The following F13A1 variants were observed in gnomAD, a reference collection of about 807,000 sequenced individuals.
F13A1 encodes the protein FSF, A subunit.
Under a neutral mutation model 80.1 loss-of-function variants are expected in F13A1, and 47 were observed. The ratio of observed to expected loss-of-function variants is 0.59; its 90% CI spans 0.46 to 0.75. The LOEUF (loss-of-function observed/expected upper bound fraction) is 0.75. Ranked by LOEUF, F13A1 falls within the 30% of genes least tolerant of loss-of-function variation. The pLI, the probability that F13A1 is intolerant of heterozygous loss-of-function variation, is 0.00. For synonymous variants in F13A1, 349 were observed against 344.9 expected (o/e 1.01, Z -0.13); for missense variants, 817 against 930.4 (o/e 0.88, Z 1.59).
At chr6:6,190,191 A>G (rs1205566058) in intron 10 of F13A1, among the ~76,000 whole-genome samples, 1 of 151,992 alleles carries the variant, frequency 6.6e-6, no homozygotes, top group Non-Finnish European at 1.5e-5. Context: ...AGCTCAGAGT[A>G]ATTTGATCGT....
intron 10 of F13A1, among the ~76,000 whole-genome samples, chr6:6,191,881 GA>G (rs966024218): frequency 1.3e-5 from 2 of 152,252 alleles, no homozygotes; most frequent in African/African-American, 4.8e-5. Context: ...CTAGAAGGGA[GA>G]AATGGAGTAC....
intron 9 of F13A1, among the ~76,000 whole-genome samples, chr6:6,196,262 T>A (rs1336154856): frequency 6.6e-6 from 1 of 152,244 alleles, no homozygotes; most frequent in Non-Finnish European, 1.5e-5. Context: ...TTTGTTTTGC[T>A]TTTTGTCTTT....
intron 10 of F13A1, among the ~76,000 whole-genome samples, chr6:6,195,380 G>A (rs1412832598): frequency 1.3e-5 from 2 of 152,218 alleles, no homozygotes; most frequent in African/African-American, 2.4e-5. Flanking sequence ...GGTTGGGTGT[G>A]TGTATGTGGA....
chr6:6,282,071 T>A (rs1583109311), intron 3 of F13A1, among the ~76,000 whole-genome samples: 1 of 143,320 alleles, frequency 7.0e-6, no homozygotes, highest in Non-Finnish European at 1.5e-5. Context: ...GACAGAGAGG[T>A]GAAAAGAATG....
intron 2 of F13A1, among the ~76,000 whole-genome samples, chr6:6,313,881 C>T (rs543234777): frequency 6.6e-6 from 1 of 152,246 alleles, no homozygotes; most frequent in African/African-American, 2.4e-5. Flanking sequence ...GAGAAATGAG[C>T]CCCATACCTC....
chr6:6,316,338 T>C (rs1237839716), intron 2 of F13A1, among the ~76,000 whole-genome samples: 4 of 151,580 alleles, frequency 2.6e-5, no homozygotes, highest in Non-Finnish European at 5.9e-5. Flanking sequence ...TCACAAGTGA[T>C]TGACTGTTCG....
chr6:6,180,606 T>C (rs978247113), intron 11 of F13A1, among the ~76,000 whole-genome samples: 4 of 152,274 alleles, frequency 2.6e-5, no homozygotes, highest in Non-Finnish European at 5.9e-5. Context: ...TTTGCACTTA[T>C]ATTGTTTTAA....
At chr6:6,291,820 C>T (rs1758227826) in intron 3 of F13A1, among the ~76,000 whole-genome samples, 1 of 152,170 alleles carries the variant, frequency 6.6e-6, no homozygotes. Context: ...AGTGAGCTTG[C>T]CCACGTGTGT....
intron 6 of F13A1, among the ~76,000 whole-genome samples, chr6:6,242,246 G>A (rs1256335088): frequency 4.6e-5 from 7 of 152,120 alleles, no homozygotes; most frequent in Admixed American, 6.5e-5. Flanking sequence ...GACCTACTCC[G>A]AATTGTGGTC....
At position 6,250,766 on chromosome 6, in the gene F13A1, T is replaced by C. The variant is rs1463671765; in HGVS notation, c.690+45A>G. The C allele has an allele frequency of 7.8e-7, 1 of 1,281,152 alleles. No homozygotes were observed. Among genetic ancestry groups the C allele is most frequent in the Non-Finnish European group, 1.1e-6 (1 of 878,038 alleles). The allele number at this position is 1,281,152 out of a possible 1,614,324, so 79.4% of individuals were successfully genotyped here. A position where few individuals can be genotyped will look rare whatever the true frequency, so the allele number is the denominator to read the frequency against. ...GTAGGGATACATGTGACAAAAAATA[T>C]GAAGTAAAAATGTCCTTGACAATAA... On this transcript the variant is annotated intron_variant, in intron 5 of 14. Transcript: ENST00000264870. This position sits in a 1 kb window ranked among gnomAD's most constrained non-coding sequence, Gnocchi z 4.2.
At chr6:6,312,731 T>C (rs1336939554) in intron 2 of F13A1, among the ~76,000 whole-genome samples, 1 of 69,808 alleles carries the variant, frequency 1.4e-5, no homozygotes, top group Non-Finnish European at 2.7e-5. Flanking sequence ...AGAAAGACAT[T>C]TCATAAAAAA....
chr6:6,201,727 TC>T lies in F13A1; in HGVS notation c.1113-4402del, dbSNP rs201692347. 2.7e-3 allele frequency among the ~76,000 whole-genome samples: 413 copies of T among 152,196 alleles called. 2 individuals are homozygous for T. Among genetic ancestry groups the T allele is most frequent in the Non-Finnish European group, 4.2e-3 (289 of 68,028 alleles). ...TTTTTTGTTTTGTTTTGTTTTGTTT[TC>T]TTGAGACAGGGTCTCATGTTGCCCA... On this transcript the variant is annotated intron_variant, in intron 8 of 14. Transcript: ENST00000264870.
chr6:6,171,736 A>G (rs1760778929), intron 12 of F13A1, among the ~76,000 whole-genome samples: 1 of 152,218 alleles, frequency 6.6e-6, no homozygotes, highest in African/African-American at 2.4e-5. Context: ...AAGGCCTTAT[A>G]AAGGCCTACA....
At chr6:6,164,832 C>T (rs900208201) in intron 13 of F13A1, among the ~76,000 whole-genome samples, 3 of 148,072 alleles carry the variant, frequency 2.0e-5, no homozygotes, top group Non-Finnish European at 4.5e-5. Context: ...CTTCTCTCCT[C>T]TCCCTCCCTT....
intron 3 of F13A1, among the ~76,000 whole-genome samples, chr6:6,297,401 A>G (rs1758347152): frequency 6.6e-6 from 1 of 150,692 alleles, no homozygotes; most frequent in Admixed American, 6.6e-5. Flanking sequence ...TTGGTAAGCT[A>G]TTGATCATTG....
chr6:6,193,955 C>T (rs568413539), intron 10 of F13A1, among the ~76,000 whole-genome samples: 4 of 152,328 alleles, frequency 2.6e-5, no homozygotes, highest in South Asian at 2.1e-4. Context: ...ACGGCAGGTA[C>T]GATGAGATGA....
chr6:6,209,062 G>T (rs770481592), intron 8 of F13A1, among the ~76,000 whole-genome samples: 3 of 151,986 alleles, frequency 2.0e-5, no homozygotes, highest in Non-Finnish European at 4.4e-5. Flanking sequence ...GCCCATGGAT[G>T]GTAGAAAATA....
chr6:6,220,306 G>T (rs1351618732), intron 8 of F13A1, among the ~76,000 whole-genome samples: 2 of 152,214 alleles, frequency 1.3e-5, no homozygotes, highest in Non-Finnish European at 2.9e-5. Flanking sequence ...GGATATTTGA[G>T]TAAGGCACCA....
chr6:6,170,195 TAAC>T (rs887986487), intron 12 of F13A1, among the ~76,000 whole-genome samples: 1 of 152,222 alleles, frequency 6.6e-6, no homozygotes, highest in Non-Finnish European at 1.5e-5. Flanking sequence ...TTTCCAGTAA[TAAC>T]AATAATAAAA....
Sources: gnomAD v4.1 joint callset for allele counts (sites outside exome capture counted in the v4.1 genomes callset) on GRCh38, gnomAD v4.1.1 for gene constraint, Gnocchi (gnomAD v3.1) non-coding constraint, MANE v1.5 for transcripts, NCBI Gene and HGNC (gene_info 2026-07-23, HGNC 2026-07-21) for gene names.